ANKRD7: variants seen among roughly 807,000 people sequenced by gnomAD.
ANKRD7 encodes ankyrin repeat domain-containing protein 7.
In ANKRD7, 30 loss-of-function variants were observed where a neutral mutation model predicts 30.8. The ratio of observed to expected loss-of-function variants is 0.97; its 90% CI spans 0.73 to 1.32. The LOEUF (loss-of-function observed/expected upper bound fraction) is 1.32, where lower values mean the gene tolerates loss of function less well. ANKRD7 is among the 40% of genes most tolerant of loss of function. The pLI, the probability that ANKRD7 is intolerant of heterozygous loss-of-function variation, is 0.00. For missense variants in ANKRD7, 264 were observed against 295.7 expected, an observed-to-expected ratio of 0.89 and a Z score of 0.79; for synonymous variants, 97 against 106.6, an observed-to-expected ratio of 0.91 and a Z score of 0.55.
intron 1 of ANKRD7, among the ~76,000 whole-genome samples, chr7:118,230,606 AT>A (rs1467768882): frequency 2.6e-5 from 4 of 151,772 alleles, no homozygotes; most frequent in Non-Finnish European, 5.9e-5. Context: ...AATGAAAAAA[AT>A]CTCAAATTGT....
rs370288583 is a variant in ANKRD7 at position 118,234,453 on chromosome 7, G to A, written c.202G>A (p.Ala68Thr). The A allele has an allele frequency of 2.5e-4, 399 of 1,611,246 alleles. No homozygotes were observed. Among genetic ancestry groups the A allele is most frequent in the Non-Finnish European group, 3.3e-4 (385 of 1,178,978 alleles). Residue 68 changes from alanine (A) to threonine (T), a missense_variant, in exon 2 of 7, where the codon GCT becomes ACT. Ala to Thr is a moderately conservative substitution (Grantham distance 58). Transcript: ENST00000265224. ...KYRTPLHLACANGHTDVVLFL... is the reference protein window; with the variant it reads ...KYRTPLHLACTNGHTDVVLFL... ...TAGAACACCTTTGCACCTAGCCTGTGCTAATGGACATACAGATGTTGTACT... is the reference window on the plus strand; with the variant it reads ...TAGAACACCTTTGCACCTAGCCTGTACTAATGGACATACAGATGTTGTACT...
chr7:118,240,048 T>C (rs1468874656), intron 6 of ANKRD7, 50 bp downstream of exon 6: 2 of 1,131,974 alleles, frequency 1.8e-6, no homozygotes, highest in Non-Finnish European at 2.3e-6. Context: ...TTTTTATTTG[T>C]TAATTTTTTA....
chr7:118,237,025 A>C, intron 5 of ANKRD7, 99 bp downstream of exon 5: 1 of 1,241,804 alleles, frequency 8.1e-7, no homozygotes, highest in Non-Finnish European at 1.1e-6. Context: ...GCTCAACAGT[A>C]GGGGTAACCA....
At chr7:118,237,861 A>G (rs183685556) in intron 5 of ANKRD7, among the ~76,000 whole-genome samples, 2 of 152,138 alleles carry the variant, frequency 1.3e-5, no homozygotes, top group African/African-American at 4.8e-5. Flanking sequence ...GACCATATGC[A>G]TAAAATCTTA....
rs910712988 is a variant in ANKRD7, at chr7:118,235,472, C to G, written c.469-569C>G. Among the ~76,000 whole-genome samples the G allele has an allele frequency of 1.2e-4, 18 of 151,916 alleles. No individual in the cohort carries two copies. The South Asian group carries it at 3.1e-3, about 26-fold the overall frequency. On this transcript the variant is annotated intron_variant, in intron 3 of 6. Coordinates refer to ENST00000265224, the MANE Select transcript of ANKRD7 (RefSeq NM_019644.4). ...CTAAAAATACAAAAAATTAGCTGGT[C>G]GTCGTGGTAGGCGCCTGTAGTCCCA...
At chr7:118,231,945 A>C (rs1475471214) in intron 1 of ANKRD7, among the ~76,000 whole-genome samples, 1 of 152,116 alleles carries the variant, frequency 6.6e-6, no homozygotes, top group Non-Finnish European at 1.5e-5. Flanking sequence ...ATATAAACTA[A>C]AGTCTTAAAT....
At chr7:118,225,732 A>G (rs1809529370) in intron 1 of ANKRD7, among the ~76,000 whole-genome samples, 1 of 152,166 alleles carries the variant, frequency 6.6e-6, no homozygotes, top group African/African-American at 2.4e-5. Context: ...ACATCAAAAC[A>G]AGTAACTTTT....
At chr7:118,241,774 G>C (rs1455959741) in intron 6 of ANKRD7, among the ~76,000 whole-genome samples, 1 of 151,822 alleles carries the variant, frequency 6.6e-6, no homozygotes, top group East Asian at 1.9e-4. Flanking sequence ...CCTGACCTCA[G>C]GTGATCCGCC....
intron 1 of ANKRD7, chr7:118,227,829 C>G: frequency 8.0e-7 from 1 of 1,249,662 alleles, no homozygotes; most frequent in Non-Finnish European, 1.0e-6. Flanking sequence ...AAAGCATCAT[C>G]TTTCATCACA....
At chr7:118,232,955 C>T (rs3808172) in intron 1 of ANKRD7, among the ~76,000 whole-genome samples, 10,383 of 151,904 alleles carry the variant, frequency 0.068, 383 homozygotes, top group East Asian at 0.11. Context: ...GCTATTTAGC[C>T]CTGTGTTATG....
rs1466958926 is a variant in ANKRD7, at chr7:118,242,463, A to G, written c.*152A>G. ...TTTTTGCTGACTACCCAGTTGAAGA[A>G]AAGTTTGTTAATTGGATGGGATTTT... is the stretch of plus-strand genomic sequence containing the variant. On this transcript the variant is annotated 3_prime_UTR_variant, in exon 7 of 7. Transcript: ENST00000265224. 1 of 148,846 alleles carries G rather than the reference A, an allele frequency of 6.7e-6. No homozygotes were observed. Among genetic ancestry groups the G allele is most frequent in the Non-Finnish European group, 1.5e-5 (1 of 66,804 alleles). The allele number at this position is 148,846 out of a possible 1,614,324, so 9.2% of individuals were successfully genotyped here.
At chr7:118,238,451 C>A (rs777862793) in intron 5 of ANKRD7, among the ~76,000 whole-genome samples, 1 of 152,104 alleles carries the variant, frequency 6.6e-6, no homozygotes, top group Non-Finnish European at 1.5e-5. Flanking sequence ...ACAGTATTTG[C>A]CCCTCTTTGC....
chr7:118,225,082 G>T (rs1449293886), intron 1 of ANKRD7, 73 bp downstream of exon 1: 1 of 1,541,428 alleles, frequency 6.5e-7, no homozygotes, highest in East Asian at 2.3e-5. Flanking sequence ...TAAGACAAGT[G>T]GGGGCTGTTT....
intron 1 of ANKRD7, among the ~76,000 whole-genome samples, chr7:118,225,731 CA>C (rs1243630236): frequency 2.0e-5 from 3 of 152,142 alleles, no homozygotes; most frequent in Non-Finnish European, 4.4e-5. Flanking sequence ...AACATCAAAA[CA>C]AGTAACTTTT....
intron 1 of ANKRD7, 55 bp from the exon 2 acceptor site, chr7:118,234,376 T>C: frequency 8.0e-7 from 1 of 1,246,216 alleles, no homozygotes; most frequent in Non-Finnish European, 1.1e-6. Context: ...GTAAAACAAG[T>C]AACTTCTCAA....
chr7:118,236,455 G>A (rs1809732133), intron 4 of ANKRD7, among the ~76,000 whole-genome samples: 1 of 152,094 alleles, frequency 6.6e-6, no homozygotes, highest in Non-Finnish European at 1.5e-5. Flanking sequence ...ATGACCAACT[G>A]TTGTAGTTAA....
chr7:118,236,656 AT>A, intron 4 of ANKRD7, 133 bp from the exon 5 acceptor site: 1 of 949,788 alleles, frequency 1.1e-6, no homozygotes, highest in South Asian at 1.7e-5. Context: ...GATCTGCTGT[AT>A]TTTTTACATT....
rs754113206 is a variant in ANKRD7 at position 118,234,843 on chromosome 7, A to T, written c.437A>T (p.Glu146Val). The T allele has an allele frequency of 9.3e-6, 15 of 1,607,154 alleles. No individual in the cohort carries two copies. The African/African-American group carries it at 1.7e-4, about 19-fold the overall frequency. The part of the protein sequence containing the change: ...QSLSLVEKLL[E>V]YEADLEAKNK... ...TTGTCATTAGTTGAAAAACTGCTTG[A>T]ATACGAAGCTGATCTTGAAGCGAAA... Residue 146 changes from glutamate to valine, a missense_variant, in exon 3 of 7, where the codon GAA becomes GTA. Glu to Val is a moderately radical substitution (Grantham distance 121). Coordinates refer to ENST00000265224, the MANE Select transcript of ANKRD7 (RefSeq NM_019644.4).
In ANKRD7 at chr7:118,224,743, G is replaced by A. The variant is rs962308106; in HGVS notation, c.-88G>A. ...CGTCAGGTACTGGAGAGGGCTGCCGGCCGGATGCCAGGGCAGAGGGGCAGG... is the reference window on the plus strand; with the variant it reads ...CGTCAGGTACTGGAGAGGGCTGCCGACCGGATGCCAGGGCAGAGGGGCAGG... On this transcript the variant is annotated 5_prime_UTR_variant, in exon 1 of 7. Coordinates refer to ENST00000265224, the MANE Select transcript of ANKRD7 (RefSeq NM_019644.4). 4.6e-6 allele frequency: 7 copies of A among 1,522,262 alleles called. No homozygotes were observed. Among genetic ancestry groups the A allele is most frequent in the Non-Finnish European group, 6.1e-6 (7 of 1,140,068 alleles). 94.3% of individuals were successfully genotyped at this position (1,522,262 alleles called of 1,614,324 possible). A position where few individuals can be genotyped will look rare whatever the true frequency, so the allele number is the denominator to read the frequency against.
Sources: allele counts gnomAD v4.1 joint callset (sites outside exome capture counted in the v4.1 genomes callset), GRCh38; gene constraint gnomAD v4.1.1; transcripts MANE v1.5; gene names NCBI Gene and HGNC (gene_info 2026-07-23, HGNC 2026-07-21).